The following PDZD2 variants were observed in gnomAD, a reference collection of about 807,000 sequenced individuals.
PDZD2 encodes the protein PDZ domain-containing protein 2.
PDZD2 carries 90 observed loss-of-function variants against 220.7 expected under a neutral mutation model. The ratio of observed to expected loss-of-function variants is 0.41; its 90% confidence interval spans 0.34 to 0.49. The LOEUF (loss-of-function observed/expected upper bound fraction) is 0.49, where lower values mean the gene tolerates loss of function less well. Among genes scored for constraint, PDZD2 ranks in the 20% least tolerant of loss-of-function variants. PDZD2 has a pLI of 0.28. For synonymous variants in PDZD2, 1,375 were observed against 1,450.5 expected (o/e 0.95, Z 1.18); for missense variants, 3,174 against 3,608.5 (o/e 0.88, Z 3.08).
chr5:31,968,313 G>A (rs1481281323), intron 2 of PDZD2, among the ~76,000 whole-genome samples: 2 of 152,094 alleles, frequency 1.3e-5, no homozygotes, highest in African/African-American at 2.4e-5. Flanking sequence ...AGCCGAGATC[G>A]CACCACTGTG....
chr5:31,936,610 T>A (rs1392661191), intron 2 of PDZD2, among the ~76,000 whole-genome samples: 2 of 152,184 alleles, frequency 1.3e-5, no homozygotes, highest in South Asian at 2.1e-4. Flanking sequence ...GAAGCTTTTT[T>A]AATTTAAACT....
chr5:32,105,077 T>C (rs1211996955), intron 24 of PDZD2, among the ~76,000 whole-genome samples: 1 of 152,048 alleles, frequency 6.6e-6, no homozygotes, highest in Non-Finnish European at 1.5e-5. Flanking sequence ...GAGGCTGTGG[T>C]GAGCCATGGT....
chr5:31,790,107 T>TTTTG (rs994606526), intron 1 of PDZD2, among the ~76,000 whole-genome samples: 9 of 151,998 alleles, frequency 5.9e-5, no homozygotes, highest in Non-Finnish European at 1.0e-4. Context: ...GGGAGGTCTT[T>TTTTG]TTTGTTTGTT....
chr5:31,808,673 C>T (rs1754887165), intron 2 of PDZD2, among the ~76,000 whole-genome samples: 1 of 152,116 alleles, frequency 6.6e-6, no homozygotes, highest in South Asian at 2.1e-4. Context: ...TTTTCTTTAA[C>T]ATCATAAATA....
intron 2 of PDZD2, among the ~76,000 whole-genome samples, chr5:31,970,617 C>T (rs922275613): frequency 4.6e-5 from 7 of 151,920 alleles, no homozygotes; most frequent in Admixed American, 1.3e-4. Flanking sequence ...TATCACGCCA[C>T]TGCACTCCAG....
intron 2 of PDZD2, among the ~76,000 whole-genome samples, chr5:31,962,609 T>C (rs1388098172): frequency 6.6e-6 from 1 of 152,160 alleles, no homozygotes; most frequent in African/African-American, 2.4e-5. Flanking sequence ...GAATTGTGTA[T>C]CTCAAGTCCT....
intron 1 of PDZD2, among the ~76,000 whole-genome samples, chr5:31,730,682 G>T (rs1451413076): frequency 6.6e-6 from 1 of 151,996 alleles, no homozygotes; most frequent in Non-Finnish European, 1.5e-5. Context: ...AACAGACCTA[G>T]GGGATCAGTA....
intron 2 of PDZD2, among the ~76,000 whole-genome samples, chr5:31,919,918 G>C (rs1744060606): frequency 6.6e-6 from 1 of 151,832 alleles, no homozygotes; most frequent in South Asian, 2.1e-4. Flanking sequence ...TGCCTGGGAG[G>C]ATGAGGCAGG....
chr5:31,650,762 A>G (rs1745319490), intron 1 of PDZD2, among the ~76,000 whole-genome samples: 1 of 152,210 alleles, frequency 6.6e-6, no homozygotes. Flanking sequence ...CTGTAATCAG[A>G]AAAAGCTCTG....
chr5:31,943,001 G>A (rs894665494), intron 2 of PDZD2, among the ~76,000 whole-genome samples: 3 of 152,138 alleles, frequency 2.0e-5, no homozygotes, highest in Non-Finnish European at 4.4e-5. Flanking sequence ...TCAGGAGTTC[G>A]AGACCAGCCT....
At chr5:31,923,530 G>C in intron 2 of PDZD2, 2 of 898,394 alleles carry the variant, frequency 2.2e-6, no homozygotes, top group South Asian at 2.6e-5. Context: ...CTACTTTGGG[G>C]ATAAAGGATT....
Position 31,925,698 on chromosome 5 carries a change from A to G in PDZD2, c.477-57457A>G, listed in dbSNP as rs1204196768. On this transcript the variant is annotated intron_variant, in intron 2 of 24. Coordinates refer to ENST00000438447, the MANE Select transcript of PDZD2 (RefSeq NM_178140.4). ...CCACGGAATGGGATAAAATATTTGC[A>G]AACTCTGTTTCCAACAAAGGTCTAA... Among the ~76,000 whole-genome samples, 12 of 151,962 alleles carry G rather than the reference A, an allele frequency of 7.9e-5. No homozygotes were observed. In the South Asian group the frequency reaches 2.5e-3, roughly 32 times the overall value.
rs10710224 is a variant in PDZD2, at chr5:32,086,843, ATTTTT to A, written c.3683-267_3683-263del. Among the ~76,000 whole-genome samples, 287 of 85,212 alleles carry A rather than the reference ATTTTT, an allele frequency of 3.4e-3. 2 individuals carry two copies. Among genetic ancestry groups the A allele is most frequent in the Non-Finnish European group, 5.1e-3 (235 of 45,640 alleles). The allele number at this position is 85,212 out of a possible 152,430, so 55.9% of individuals were successfully genotyped here. ...AGGTGCCCACCCCCATGCCCAGCTA[ATTTTT>A]TTTTTTTTTTTTTTTTTTTTAGTAG... On this transcript the variant is annotated intron_variant, in intron 19 of 24. Transcript: ENST00000438447.
chr5:31,772,309 T>C (rs1257497496), intron 1 of PDZD2, among the ~76,000 whole-genome samples: 1 of 152,180 alleles, frequency 6.6e-6, no homozygotes, highest in African/African-American at 2.4e-5. Flanking sequence ...ACCCCGCCAC[T>C]CTGGGTCATA....
At position 32,073,883 on chromosome 5, in the gene PDZD2, G is replaced by A. The variant is rs1741002169; in HGVS notation, c.2777G>A (p.Ser926Asn). The change falls in exon 18 of 25, where the codon AGC becomes AAC. Residue 926 changes from serine (S) to asparagine (N), a missense_variant. Ser to Asn is a conservative substitution (Grantham distance 46). Coordinates refer to ENST00000438447, the MANE Select transcript of PDZD2 (RefSeq NM_178140.4). The stretch of plus-strand genomic sequence containing the variant: ...GCCAACAGCCTCGTGACTCTTGGGA[G>A]CCATCGGGCTTCTGGGCTCTTCCAC... ...PRANSLVTLG[S>N]HRASGLFHKQ... The A allele has an allele frequency of 1.2e-6, 2 of 1,614,128 alleles. No homozygotes were observed. The highest frequency in any genetic ancestry group is 1.7e-6 in the Non-Finnish European group (2 of 1,180,006).
intron 2 of PDZD2, among the ~76,000 whole-genome samples, chr5:31,955,857 A>G (rs779275042): frequency 2.0e-5 from 3 of 151,936 alleles, no homozygotes; most frequent in Non-Finnish European, 4.4e-5. Flanking sequence ...TTCTCAAGAT[A>G]TTTTTAAAAT....
intron 2 of PDZD2, among the ~76,000 whole-genome samples, chr5:31,835,322 A>G (rs17417042): frequency 0.088 from 13,330 of 152,168 alleles, 746 homozygotes; most frequent in Middle Eastern, 0.14. Flanking sequence ...AATGTTTTCA[A>G]AAGTGTTTCT....
At chr5:31,835,384 C>T (rs889598250) in intron 2 of PDZD2, among the ~76,000 whole-genome samples, 7 of 152,084 alleles carry the variant, frequency 4.6e-5, no homozygotes, top group South Asian at 2.1e-4. Context: ...CTTGGGAGGC[C>T]GACGCAGGTG....
chr5:31,931,169 C>T (rs6450881), intron 2 of PDZD2, among the ~76,000 whole-genome samples: 116,791 of 152,052 alleles, frequency 0.77, 44,929 homozygotes, highest in Middle Eastern at 0.84. Flanking sequence ...ATTACAGGCA[C>T]GTACCACCAC....
Sources: gnomAD v4.1 joint callset for allele counts (sites outside exome capture counted in the v4.1 genomes callset) on GRCh38, gnomAD v4.1.1 for gene constraint, MANE v1.5 for transcripts, NCBI Gene and HGNC (gene_info 2026-07-23, HGNC 2026-07-21) for gene names.